The following SEMA4A variants were observed in gnomAD, a reference collection of about 807,000 sequenced individuals.
SEMA4A encodes the protein semaphorin-4A.
SEMA4A carries 52 observed loss-of-function variants against 72.5 expected under a neutral mutation model. The ratio of observed to expected loss-of-function variants is 0.72; its 90% CI spans 0.57 to 0.90. The LOEUF is 0.90. Among genes scored for constraint, SEMA4A ranks in the 40% least tolerant of loss-of-function variants. SEMA4A has a pLI of 0.00. For synonymous variants in SEMA4A, 369 were observed against 393.1 expected, an observed-to-expected ratio of 0.94 and a Z score of 0.73; for missense variants, 926 against 959.7, an observed-to-expected ratio of 0.96 and a Z score of 0.46.
At chr1:156,164,810 A>AT (rs1654007887) in intron 10 of SEMA4A, among the ~76,000 whole-genome samples, 1 of 150,422 alleles carries the variant, frequency 6.6e-6, no homozygotes, top group Admixed American at 6.7e-5. Context: ...TTTTATTTTT[A>AT]TTTTTTTTGA....
At position 156,154,670 on chromosome 1, in the gene SEMA4A, C is replaced by T. The variant is rs893869203; in HGVS notation, c.92C>T (p.Ala31Val). ...CAGCTGCTGCTGCCGACGACGACCG[C>T]GGGGGGAGGCGGGCAGGGGCCCATG... ...LLQLLLPTTT[A>V]GGGGQGPMPR... Residue 31 changes from alanine to valine, a missense_variant, in exon 2 of 15, where the codon GCG becomes GTG. Transcript: ENST00000368285. The T allele has an allele frequency of 3.8e-6, 6 of 1,598,820 alleles. No individual in the cohort carries two copies. The highest frequency in any genetic ancestry group is 1.1e-5 in the South Asian group (1 of 88,524).
intron 10 of SEMA4A, among the ~76,000 whole-genome samples, chr1:156,172,092 GTTTGTTTATTTATTTATTTA>G (rs1359421603): frequency 6.3e-5 from 9 of 143,954 alleles, no homozygotes; most frequent in South Asian, 2.2e-4. Flanking sequence ...CTGTTTGTTT[GTTTGTTTATTTATTTATTTA>G]TTTATTTATT....
At chr1:156,174,210 G>A (rs1655085781) in intron 11 of SEMA4A, among the ~76,000 whole-genome samples, 1 of 152,198 alleles carries the variant, frequency 6.6e-6, no homozygotes, top group Non-Finnish European at 1.5e-5. Context: ...AACCTTGAGG[G>A]TCAGTGGAAG....
chr1:156,158,844 C>A lies in SEMA4A; in HGVS notation c.568+20C>A. 6.4e-7 allele frequency: 1 copy of A among 1,568,556 alleles called. No individual in the cohort carries two copies. Among genetic ancestry groups the A allele is most frequent in the Non-Finnish European group, 8.8e-7 (1 of 1,138,730 alleles). ...TGGTGGGTGAGTATCAGGTTTCCCA[C>A]TTCATCCCAACATCTACTTTCTCCA... On this transcript the variant is annotated intron_variant, in intron 6 of 14. Transcript: ENST00000368285.
At chr1:156,175,309 A>G in intron 13 of SEMA4A, 66 bp downstream of exon 13, 1 of 1,529,418 alleles carries the variant, frequency 6.5e-7, no homozygotes, top group Non-Finnish European at 8.9e-7. Context: ...AGCTTCTGCT[A>G]CTGTTCTTCC....
intron 10 of SEMA4A, among the ~76,000 whole-genome samples, chr1:156,167,835 A>G (rs898746430): frequency 2.0e-5 from 3 of 152,212 alleles, no homozygotes; most frequent in Non-Finnish European, 4.4e-5. Flanking sequence ...GTTTTCACAT[A>G]TCTCTCATAG....
chr1:156,162,945 C>G lies in SEMA4A; in HGVS notation c.985C>G (p.Gln329Glu), dbSNP rs1249149946. The G allele has an allele frequency of 6.2e-7, 1 of 1,613,598 alleles. No individual in the cohort carries two copies. Among genetic ancestry groups the G allele is most frequent in the Admixed American group, 1.7e-5 (1 of 60,020 alleles). Residue 329 changes from glutamine to glutamate, a missense_variant and splice_region_variant, in exon 10 of 15, where the codon CAG becomes GAG. Gln to Glu is a conservative substitution (Grantham distance 29). Transcript: ENST00000368285. Reference sequence around the variant, plus strand: ...AATGTTCCCTCTGGCTGTCTCCAGGCAGGTTGGCGGGACCAGGAGCTCTGC... The same window carrying G: ...AATGTTCCCTCTGGCTGTCTCCAGGGAGGTTGGCGGGACCAGGAGCTCTGC... ...HIYAVFTSQW[Q>E]VGGTRSSAVC...
At chr1:156,171,592 T>A (rs919006558) in intron 10 of SEMA4A, among the ~76,000 whole-genome samples, 1 of 152,098 alleles carries the variant, frequency 6.6e-6, no homozygotes, top group African/African-American at 2.4e-5. Context: ...AAATTTCTTT[T>A]TTGAGACACA....
intron 9 of SEMA4A, 134 bp downstream of exon 9, chr1:156,161,652 G>C (rs1653677555): frequency 1.2e-6 from 1 of 861,708 alleles, no homozygotes; most frequent in African/African-American, 1.7e-5. Flanking sequence ...GCATTAAATC[G>C]TCACCACCTC....
intron 9 of SEMA4A, among the ~76,000 whole-genome samples, chr1:156,161,996 C>T (rs911821020): frequency 3.3e-5 from 5 of 152,208 alleles, no homozygotes; most frequent in Admixed American, 2.0e-4. Context: ...GGTGCGGTGG[C>T]TCATGCCTGT....
chr1:156,163,143 C>T (rs760494674), intron 10 of SEMA4A, 49 bp downstream of exon 10: 7 of 1,597,080 alleles, frequency 4.4e-6, no homozygotes, highest in Non-Finnish European at 6.0e-6. Context: ...ACATAATGTG[C>T]ATGAAAAAAC....
intron 10 of SEMA4A, among the ~76,000 whole-genome samples, chr1:156,169,338 G>A (rs957584236): frequency 2.0e-5 from 3 of 149,798 alleles, no homozygotes; most frequent in East Asian, 2.0e-4. Context: ...CTTCCAAAAT[G>A]TGGATGCTTT....
chr1:156,163,594 C>T (rs947249970), intron 10 of SEMA4A, among the ~76,000 whole-genome samples: 24 of 151,450 alleles, frequency 1.6e-4, no homozygotes, highest in East Asian at 7.8e-4. Flanking sequence ...TGGTGGCACG[C>T]GACTGTAATT....
chr1:156,173,822 A>G (rs1655043289), intron 11 of SEMA4A, among the ~76,000 whole-genome samples: 1 of 152,138 alleles, frequency 6.6e-6, no homozygotes, highest in African/African-American at 2.4e-5. Context: ...TCAAATAGCC[A>G]TTGTGGGCTG....
intron 10 of SEMA4A, 91 bp downstream of exon 10, chr1:156,163,185 T>TGTTA: frequency 6.9e-7 from 1 of 1,447,212 alleles, no homozygotes; most frequent in South Asian, 1.2e-5. Flanking sequence ...GCCCAATAAA[T>TGTTA]GTTAGTGCTC....
chr1:156,160,878 C>G, intron 7 of SEMA4A, 27 bp from the exon 8 acceptor site: 3 of 1,613,420 alleles, frequency 1.9e-6, no homozygotes, highest in Non-Finnish European at 2.5e-6. Context: ...GGCTCAGTCC[C>G]TAAGCCCATC....
chr1:156,148,759 A>G (rs1403206728), upstream of SEMA4A, among the ~76,000 whole-genome samples: 1 of 151,376 alleles, frequency 6.6e-6, no homozygotes, highest in Non-Finnish European at 1.5e-5. Context: ...GTCCCCTGCC[A>G]GCTGACAGAG....
At position 156,175,109 on chromosome 1, in the gene SEMA4A, A is replaced by G; in HGVS notation, c.1458A>G (p.Ser486=). Residue 486 remains serine, a synonymous_variant, in exon 13 of 15, where the codon TCA becomes TCG. Transcript: ENST00000368285. ...PTQGAVFVGF[S]GGVWRVPRAN... The stretch of plus-strand genomic sequence containing the variant: ...AGGGTGCAGTGTTTGTAGGCTTCTC[A>G]GGAGGTGTCTGGAGGGTGCCCCGAG... 6 of 1,614,148 alleles carry G rather than the reference A, an allele frequency of 3.7e-6. No individual in the cohort carries two copies. Among genetic ancestry groups the G allele is most frequent in the African/African-American group, 2.7e-5 (2 of 75,016 alleles).
rs1653804637 is a variant in SEMA4A, at chr1:156,162,981, T to A, written c.1021T>A (p.Phe341Ile). The change falls in exon 10 of 15, where the codon TTC becomes ATC. Residue 341 changes from phenylalanine (F) to isoleucine (I), a missense_variant. Physicochemically the swap from Phe to Ile is conservative, Grantham distance 21. Transcript: ENST00000368285. ...GGTRSSAVCAFSLLDIERVFK... is the reference protein window; with the variant it reads ...GGTRSSAVCAISLLDIERVFK... ...GACCAGGAGCTCTGCGGTTTGTGCC[T>A]TCTCTCTCTTGGACATTGAACGTGT... is the stretch of plus-strand genomic sequence containing the variant. 4 of 1,613,954 alleles carry A rather than the reference T, an allele frequency of 2.5e-6. No homozygotes were observed. The highest frequency in any genetic ancestry group is 1.7e-5 in the Admixed American group (1 of 59,998).
Sources: gnomAD v4.1 joint callset for allele counts (sites outside exome capture counted in the v4.1 genomes callset) on GRCh38, gnomAD v4.1.1 for gene constraint, MANE v1.5 for transcripts, NCBI Gene and HGNC (gene_info 2026-07-23, HGNC 2026-07-21) for gene names.